PXMP4: variants seen among roughly 807,000 people sequenced by gnomAD.
PXMP4 encodes peroxisomal membrane protein 4, also known as 24 kDa peroxisomal intrinsic membrane protein.
A neutral mutation model predicts 21.6 loss-of-function variants in PXMP4; 16 were observed. The observed-to-expected ratio is 0.74, with a 90% CI of 0.50 to 1.13. The LOEUF (loss-of-function observed/expected upper bound fraction) is 1.13, where lower values mean the gene tolerates loss of function less well. PXMP4 is among the 50% of genes most tolerant of loss of function. The probability of loss-of-function intolerance (pLI) is 0.00; values close to 1 mark genes in which losing one functional copy is unlikely to be tolerated. For synonymous variants in PXMP4, 127 were observed against 123.8 expected, an observed-to-expected ratio of 1.03 and a Z score of -0.17; for missense variants, 240 against 277.7, an observed-to-expected ratio of 0.86 and a Z score of 0.96.
intron 1 of PXMP4, 56 bp from the exon 2 acceptor site, chr20:33,714,792 TG>T: frequency 6.4e-7 from 1 of 1,563,820 alleles, no homozygotes; most frequent in Non-Finnish European, 8.8e-7. Context: ...ACTTTCTTTT[TG>T]GGCTGTCCTT....
At chr20:33,712,542 T>C (rs2018339547) in intron 2 of PXMP4, among the ~76,000 whole-genome samples, 1 of 152,100 alleles carries the variant, frequency 6.6e-6, no homozygotes, top group Admixed American at 6.6e-5. Flanking sequence ...CTCTTCCTCC[T>C]GGGTTTGAGC....
intron 1 of PXMP4, among the ~76,000 whole-genome samples, chr20:33,717,296 C>T (rs528253884): frequency 7.2e-5 from 11 of 152,150 alleles, no homozygotes; most frequent in Non-Finnish European, 1.3e-4. Flanking sequence ...GCTTTTTAAA[C>T]TTTTCTAGAC....
rs1318578565 is a variant in PXMP4, at chr20:33,703,739, G to C, written c.*3967C>G. 1 of 152,414 alleles carries C rather than the reference G, an allele frequency of 6.6e-6. No homozygotes were observed. Among genetic ancestry groups the C allele is most frequent in the Non-Finnish European group, 1.5e-5 (1 of 68,162 alleles). The allele number at this position is 152,414 out of a possible 1,614,324, so 9.4% of individuals were successfully genotyped here. On this transcript the variant is annotated 3_prime_UTR_variant, in exon 4 of 4. Transcript: ENST00000409299. ...GAGGGGTGAGGGATGCGGGCTGTGG[G>C]AGTGGGGGTATTTATCAGTCATTGG...
Position 33,720,249 on chromosome 20 carries a change from G to A in PXMP4, c.-42C>T, listed in dbSNP as rs1291122139. 2 of 1,541,020 alleles carry A rather than the reference G, an allele frequency of 1.3e-6. No homozygotes were observed. Among genetic ancestry groups the A allele is most frequent in the Non-Finnish European group, 1.8e-6 (2 of 1,131,396 alleles). On this transcript the variant is annotated 5_prime_UTR_variant, in exon 1 of 4. Transcript: ENST00000409299. Reference sequence around the variant, plus strand: ...AGGGTCGGGGTTAGGAACTGTAAGCGCACTGACAGCCGGAGGTTCCAGCTG... The same window carrying A: ...AGGGTCGGGGTTAGGAACTGTAAGCACACTGACAGCCGGAGGTTCCAGCTG...
In PXMP4 at chr20:33,710,747, C is replaced by T; in HGVS notation, c.183G>A (p.Gln61=). Reference sequence around the variant, plus strand: ...CCTGCAGTATGGCCCACAGCTTCTCCTGGAGGCTGCACAAACACAGGTGCC... The same window carrying T: ...CCTGCAGTATGGCCCACAGCTTCTCTTGGAGGCTGCACAAACACAGGTGCC... ...MTFLFRNGSL[Q]EKLWAILQAT... Residue 61 remains glutamine, a synonymous_variant, in exon 3 of 4, where the codon CAG becomes CAA. Coordinates refer to ENST00000409299, the MANE Select transcript of PXMP4 (RefSeq NM_007238.5). 6.2e-7 allele frequency: 1 copy of T among 1,601,518 alleles called. No individual in the cohort carries two copies. Among genetic ancestry groups the T allele is most frequent in the Non-Finnish European group, 8.5e-7 (1 of 1,172,284 alleles).
intron 1 of PXMP4, among the ~76,000 whole-genome samples, chr20:33,715,462 T>C (rs1381533723): frequency 2.0e-5 from 3 of 151,386 alleles, no homozygotes; most frequent in Admixed American, 1.3e-4. Context: ...TCTCTCTCTG[T>C]AGCCCAGGCT....
chr20:33,704,824 G>C lies in PXMP4; in HGVS notation c.*2882C>G, dbSNP rs1472420272. 6.6e-6 allele frequency: 1 copy of C among 152,040 alleles called. No homozygotes were observed. Among genetic ancestry groups the C allele is most frequent in the Non-Finnish European group, 1.5e-5 (1 of 68,024 alleles). The allele number at this position is 152,040 out of a possible 1,614,324, so 9.4% of individuals were successfully genotyped here. ...TGAATCAGAAGCTGCATTTTAATAA[G>C]GTCTCCAGTGACTCCTGCATACATT... On this transcript the variant is annotated 3_prime_UTR_variant, in exon 4 of 4. Coordinates refer to ENST00000409299, the MANE Select transcript of PXMP4 (RefSeq NM_007238.5).
At chr20:33,710,827 C>T in intron 2 of PXMP4, 74 bp from the exon 3 acceptor site, 1 of 1,403,740 alleles carries the variant, frequency 7.1e-7, no homozygotes, top group Non-Finnish European at 9.5e-7. Flanking sequence ...ACTGGGCATG[C>T]CTAACAACCA....
chr20:33,717,756 G>T (rs1297359413), intron 1 of PXMP4, among the ~76,000 whole-genome samples: 2 of 151,550 alleles, frequency 1.3e-5, no homozygotes, highest in Non-Finnish European at 1.5e-5. Flanking sequence ...CCTCATTTAG[G>T]GATCTAGGAA....
chr20:33,710,503 T>A, intron 3 of PXMP4, 52 bp downstream of exon 3: 41 of 424,724 alleles, frequency 9.7e-5, no homozygotes, highest in Middle Eastern at 1.1e-3. Flanking sequence ...CACCCCCACC[T>A]CTGTGCTGAA....
At position 33,707,910 on chromosome 20, in the gene PXMP4, C is replaced by G. The variant is rs140983338; in HGVS notation, c.435G>C (p.Lys145Asn). 4.7e-4 allele frequency: 761 copies of G among 1,614,116 alleles called. 3 individuals are homozygous for G. In the East Asian group the frequency reaches 0.013, roughly 28 times the overall value. ...LFALSRLAVE[K>N]GYIPEPRWDP... ...CCCACCTGGGTTCAGGGATGTAGCC[C>G]TTCTCTACAGCCAGGCGGCTCAGGG... The change falls in exon 4 of 4, where the codon AAG becomes AAC. Residue 145 changes from lysine (K) to asparagine (N), a missense_variant. By Grantham distance (94) the Lys-to-Asn change is moderately conservative. Transcript: ENST00000409299.
chr20:33,711,617 C>G (rs967136742), intron 2 of PXMP4, among the ~76,000 whole-genome samples: 12 of 152,044 alleles, frequency 7.9e-5, no homozygotes, highest in African/African-American at 2.9e-4. Flanking sequence ...ACCTATAACC[C>G]CAACACTTTG....
chr20:33,713,258 G>A (rs116971224), intron 2 of PXMP4, among the ~76,000 whole-genome samples: 1,916 of 152,202 alleles, frequency 0.013, 17 homozygotes, highest in Non-Finnish European at 0.022. Flanking sequence ...CAGCCCCTCT[G>A]CTCCAGCCTC....
chr20:33,705,290 T>C lies in PXMP4; in HGVS notation c.*2416A>G, dbSNP rs66890990. 0.57 allele frequency: 86,134 copies of C among 150,390 alleles called. 25,919 individuals are homozygous for C. Among genetic ancestry groups the C allele is most frequent in the East Asian group, 0.8 (3,961 of 4,934 alleles). 9.3% of individuals were successfully genotyped at this position (150,390 alleles called of 1,614,324 possible). A position where few individuals can be genotyped will look rare whatever the true frequency, so the allele number is the denominator to read the frequency against. ...CAGGTGCAAGCCACCGTGCCTGGTCTAGGATCGTGGTTTCGAAAAAAGCAG... is the reference window on the plus strand; with the variant it reads ...CAGGTGCAAGCCACCGTGCCTGGTCCAGGATCGTGGTTTCGAAAAAAGCAG... On this transcript the variant is annotated 3_prime_UTR_variant, in exon 4 of 4. Coordinates refer to ENST00000409299, the MANE Select transcript of PXMP4 (RefSeq NM_007238.5).
In PXMP4 at chr20:33,702,972, C is replaced by G. The variant is rs1272296494; in HGVS notation, c.*4734G>C. The G allele has an allele frequency of 1.3e-5, 2 of 152,240 alleles. No homozygotes were observed. Among genetic ancestry groups the G allele is most frequent in the Non-Finnish European group, 2.9e-5 (2 of 68,068 alleles). The allele number at this position is 152,240 out of a possible 1,614,324, so 9.4% of individuals were successfully genotyped here. A position where few individuals can be genotyped will look rare whatever the true frequency, so the allele number is the denominator to read the frequency against. ...TAGGAAGGAGCCAAATGGGACTCCT[C>G]TCAGATCTGCTGGAAGGCAGAGCCC... On this transcript the variant is annotated 3_prime_UTR_variant, in exon 4 of 4. Transcript: ENST00000409299.
rs1185510251 is a variant in PXMP4 at position 33,705,876 on chromosome 20, T to C, written c.*1830A>G. The C allele has an allele frequency of 6.6e-6, 1 of 152,170 alleles. No individual in the cohort carries two copies. Among genetic ancestry groups the C allele is most frequent in the African/African-American group, 2.4e-5 (1 of 41,440 alleles). 9.4% of individuals were successfully genotyped at this position (152,170 alleles called of 1,614,324 possible). ...TGATTCGGCTGTTATACTAGCTGTATTACCTTGGGCAAGTTACTCTCCTCT... is the reference window on the plus strand; with the variant it reads ...TGATTCGGCTGTTATACTAGCTGTACTACCTTGGGCAAGTTACTCTCCTCT... On this transcript the variant is annotated 3_prime_UTR_variant, in exon 4 of 4. Transcript: ENST00000409299.
At position 33,707,471 on chromosome 20, in the gene PXMP4, A is replaced by C; in HGVS notation, c.*235T>G. The C allele has an allele frequency of 1.8e-6, 1 of 547,064 alleles. No individual in the cohort carries two copies. Among genetic ancestry groups the C allele is most frequent in the Non-Finnish European group, 3.2e-6 (1 of 317,152 alleles). The allele number at this position is 547,064 out of a possible 1,614,324, so 33.9% of individuals were successfully genotyped here. ...GTGTGGCTGGCCCCAGTCTCACAGA[A>C]GTCAGCTGCACAGCTGGAACCAAGC... is the stretch of plus-strand genomic sequence containing the variant. On this transcript the variant is annotated 3_prime_UTR_variant, in exon 4 of 4. Coordinates refer to ENST00000409299, the MANE Select transcript of PXMP4 (RefSeq NM_007238.5).
At chr20:33,714,758 G>A (rs768181312) in intron 1 of PXMP4, 22 bp from the exon 2 acceptor site, 9 of 1,611,374 alleles carry the variant, frequency 5.6e-6, no homozygotes, top group Non-Finnish European at 7.6e-6. Context: ...GAAGAAAACA[G>A]TTACTATAAT....
intron 3 of PXMP4, 24 bp downstream of exon 3, chr20:33,710,530 AC>A (rs770811138): frequency 8.2e-6 from 11 of 1,348,400 alleles, no homozygotes; most frequent in Non-Finnish European, 8.8e-6. Flanking sequence ...CCCCTTCACT[AC>A]CCCCATCTCG....
Sources: allele counts gnomAD v4.1 joint callset (sites outside exome capture counted in the v4.1 genomes callset), GRCh38; gene constraint gnomAD v4.1.1; transcripts MANE v1.5; gene names NCBI Gene and HGNC (gene_info 2026-07-23, HGNC 2026-07-21).